ANKS1B: variants seen among roughly 807,000 people sequenced by gnomAD.
ANKS1B encodes ankyrin repeat and sterile alpha motif domain containing 1B, also known as ankyrin repeat and sterile alpha motif domain-containing protein 1B.
Under a neutral mutation model 148.3 loss-of-function variants are expected in ANKS1B, and 36 were observed. The ratio of observed to expected loss-of-function variants is 0.24; its 90% confidence interval spans 0.19 to 0.32. The LOEUF is 0.32. ANKS1B is among the 10% of genes least tolerant of loss of function. The pLI is 1.00. For missense variants in ANKS1B, 1,157 were observed against 1,542.6 expected, an observed-to-expected ratio of 0.75 and a Z score of 4.19; for synonymous variants, 542 against 560.8, an observed-to-expected ratio of 0.97 and a Z score of 0.47.
In ANKS1B at chr12:99,383,612, C is replaced by A. The variant is rs113592353; in HGVS notation, c.1756+16019G>T. Among the ~76,000 whole-genome samples the A allele has an allele frequency of 3.4e-3, 513 of 152,252 alleles. 1 individual carries two copies. Among genetic ancestry groups the A allele is most frequent in the African/African-American group, 0.012 (492 of 41,558 alleles). On this transcript the variant is annotated intron_variant, in intron 12 of 26. Coordinates refer to ENST00000683438, the MANE Select transcript of ANKS1B (RefSeq NM_001352186.2). ...CAGGTTTTGACAAAAATATTACCTC[C>A]CTTTACAGGTCTTCCCCGATGCCCT...
At chr12:99,400,953 T>C (rs1446514267) in intron 11 of ANKS1B, among the ~76,000 whole-genome samples, 9 of 145,366 alleles carry the variant, frequency 6.2e-5, no homozygotes, top group African/African-American at 2.4e-4. Flanking sequence ...TAATCTAAAA[T>C]AGACAATCAT....
intron 17 of ANKS1B, among the ~76,000 whole-genome samples, chr12:98,849,930 G>T (rs2099512874): frequency 6.6e-6 from 1 of 152,168 alleles, no homozygotes; most frequent in Non-Finnish European, 1.5e-5. Flanking sequence ...TCAAATAGAT[G>T]TATGTCTTTG....
rs769332538 is a variant in ANKS1B, at chr12:99,283,914, AC to A, written c.1757-37051del. Among the ~76,000 whole-genome samples the A allele has an allele frequency of 1.1e-3, 167 of 152,300 alleles. 3 individuals are homozygous for A. The highest frequency in any genetic ancestry group is 8.5e-4 in the Admixed American group (13 of 15,298). On this transcript the variant is annotated intron_variant, in intron 12 of 26. Coordinates refer to ENST00000683438, the MANE Select transcript of ANKS1B (RefSeq NM_001352186.2). ...CTGCTTTCAACATTTACCACTGAATACTTATTGAAAGAATAAAGGAAAAACT... is the reference window on the plus strand; with the variant it reads ...CTGCTTTCAACATTTACCACTGAATATTATTGAAAGAATAAAGGAAAAACT...
At chr12:99,163,567 G>A (rs2076909426) in intron 14 of ANKS1B, among the ~76,000 whole-genome samples, 2 of 151,580 alleles carry the variant, frequency 1.3e-5, no homozygotes, top group Admixed American at 6.6e-5. Context: ...TCGAGACACC[G>A]ACAGCACCAT....
At chr12:99,916,265 G>T (rs1283435536) in intron 1 of ANKS1B, among the ~76,000 whole-genome samples, 5 of 152,168 alleles carry the variant, frequency 3.3e-5, no homozygotes, top group Non-Finnish European at 7.3e-5. Flanking sequence ...ATATAACAGA[G>T]TATATGGCAC....
intron 15 of ANKS1B, among the ~76,000 whole-genome samples, chr12:99,122,518 T>C (rs560000502): frequency 6.6e-6 from 1 of 152,242 alleles, no homozygotes; most frequent in African/African-American, 2.4e-5. Flanking sequence ...GAGTAACTAA[T>C]ACAATTCCCT....
chr12:99,430,590 C>T (rs914171063), intron 11 of ANKS1B, among the ~76,000 whole-genome samples: 3 of 152,144 alleles, frequency 2.0e-5, no homozygotes, highest in African/African-American at 7.2e-5. Context: ...GTAACATCCT[C>T]CACCTATTCT....
intron 1 of ANKS1B, among the ~76,000 whole-genome samples, chr12:99,928,557 C>T (rs1019847239): frequency 2.0e-5 from 3 of 152,090 alleles, no homozygotes; most frequent in Admixed American, 1.3e-4. Flanking sequence ...GGATTACAGG[C>T]GTGAGCCACC....
chr12:98,787,097 TTA>T (rs959542778), intron 22 of ANKS1B, among the ~76,000 whole-genome samples: 3 of 152,206 alleles, frequency 2.0e-5, no homozygotes, highest in African/African-American at 7.2e-5. Context: ...GATCAAGCAA[TTA>T]TGTTTGGTAG....
intron 1 of ANKS1B, among the ~76,000 whole-genome samples, chr12:99,914,471 A>G (rs1481068585): frequency 6.6e-6 from 1 of 152,228 alleles, no homozygotes; most frequent in Non-Finnish European, 1.5e-5. Flanking sequence ...GCTTTGAAGA[A>G]TGAGAATGGC....
chr12:99,673,002 T>C (rs2098545556), intron 8 of ANKS1B, among the ~76,000 whole-genome samples: 1 of 152,142 alleles, frequency 6.6e-6, no homozygotes, highest in Non-Finnish European at 1.5e-5. Context: ...CAAATTAGTG[T>C]TTTGGTGGCC....
At chr12:99,491,920 G>C (rs1042115729) in intron 10 of ANKS1B, among the ~76,000 whole-genome samples, 1 of 152,074 alleles carries the variant, frequency 6.6e-6, no homozygotes, top group Admixed American at 6.6e-5. Context: ...AGTGTTAAGA[G>C]GGAAATTTAT....
intron 1 of ANKS1B, among the ~76,000 whole-genome samples, chr12:99,937,174 G>A (rs1267794481): frequency 6.6e-6 from 1 of 152,164 alleles, no homozygotes; most frequent in Non-Finnish European, 1.5e-5. Flanking sequence ...TCATGGATGT[G>A]CTTCTGAGTG....
chr12:99,520,352 T>C (rs1400763189), intron 9 of ANKS1B, among the ~76,000 whole-genome samples: 1 of 152,220 alleles, frequency 6.6e-6, no homozygotes, highest in African/African-American at 2.4e-5. Flanking sequence ...ATACTATTCC[T>C]GGGTAAAAGT....
chr12:98,914,119 G>A (rs1042890066), intron 17 of ANKS1B, among the ~76,000 whole-genome samples: 12 of 152,096 alleles, frequency 7.9e-5, no homozygotes, highest in East Asian at 5.8e-4. Context: ...GGATCATGGC[G>A]GCGGATCCCT....
At chr12:98,784,746 G>A (rs2098773983) in intron 22 of ANKS1B, among the ~76,000 whole-genome samples, 1 of 152,316 alleles carries the variant, frequency 6.6e-6, no homozygotes, top group African/African-American at 2.4e-5. Flanking sequence ...TCCCACATCA[G>A]ATGCTCGGCC....
intron 17 of ANKS1B, among the ~76,000 whole-genome samples, chr12:98,906,218 T>G (rs2152808669): frequency 6.6e-6 from 1 of 152,270 alleles, no homozygotes; most frequent in Middle Eastern, 3.4e-3. Context: ...ACTGCTCTAT[T>G]CCAAATCACT....
intron 12 of ANKS1B, among the ~76,000 whole-genome samples, chr12:99,247,628 A>G (rs1429506074): frequency 6.6e-6 from 1 of 152,208 alleles, no homozygotes; most frequent in Non-Finnish European, 1.5e-5. Flanking sequence ...ACCAATGATG[A>G]ATGATAATTT....
rs1403979533 is a variant in ANKS1B, at chr12:99,405,373, C to T, written c.1576-5562G>A. Among the ~76,000 whole-genome samples the T allele has an allele frequency of 1.4e-5, 2 of 145,464 alleles. 1 individual carries two copies. Among genetic ancestry groups the T allele is most frequent in the African/African-American group, 5.2e-5 (2 of 38,386 alleles). ...TACAATAAGACATAAATAGAAACAA[C>T]AAAAGTTAAAAAGTAGGGGGACAAA... On this transcript the variant is annotated intron_variant, in intron 11 of 26. Coordinates refer to ENST00000683438, the MANE Select transcript of ANKS1B (RefSeq NM_001352186.2).
Sources: gnomAD v4.1 joint callset for allele counts (sites outside exome capture counted in the v4.1 genomes callset) on GRCh38, gnomAD v4.1.1 for gene constraint, MANE v1.5 for transcripts, NCBI Gene and HGNC (gene_info 2026-07-23, HGNC 2026-07-21) for gene names.